The following ACP7 variants were observed in gnomAD, a reference collection of about 807,000 sequenced individuals.
ACP7 encodes the protein acid phosphatase 7, tartrate resistant (putative).
In ACP7, 58 loss-of-function variants were observed where a neutral mutation model predicts 60.6. The observed-to-expected ratio is 0.96, with a 90% confidence interval of 0.77 to 1.19. The LOEUF is 1.19. Ranked by LOEUF, ACP7 falls within the 50% of genes most tolerant of loss-of-function variation. ACP7 has a pLI of 0.00. For synonymous variants in ACP7, 237 were observed against 232.6 expected (o/e 1.02, Z -0.17); for missense variants, 574 against 596.2 (o/e 0.96, Z 0.39).
At chr19:39,093,171 TCTCCTTCCTTCCTTCC>T (rs2073226736) in intron 2 of ACP7, among the ~76,000 whole-genome samples, 57 of 47,148 alleles carry the variant, frequency 1.2e-3, no homozygotes, top group East Asian at 1.8e-3. Flanking sequence ...TCTTTCTTTC[TCTCCTTCCTTCCTTCC>T]TTCTTTCTTT....
intron 2 of ACP7, among the ~76,000 whole-genome samples, chr19:39,095,152 G>A (rs368555102): frequency 4.6e-5 from 7 of 152,216 alleles, no homozygotes; most frequent in East Asian, 1.9e-4. Context: ...AACCAATCAT[G>A]CCTTCCCAAC....
At chr19:39,086,641 A>AAGGGG (rs1555766196) in intron 2 of ACP7, among the ~76,000 whole-genome samples, 10 of 75,152 alleles carry the variant, frequency 1.3e-4, no homozygotes, top group Non-Finnish European at 2.3e-4. Flanking sequence ...AAAAAAAAAA[A>AAGGGG]GGGGGGGGGG....
chr19:39,103,967 C>T (rs763628510), intron 11 of ACP7, among the ~76,000 whole-genome samples: 8 of 150,436 alleles, frequency 5.3e-5, no homozygotes, highest in African/African-American at 9.8e-5. Flanking sequence ...AGGCTGGGTG[C>T]GGTGGCTCAT....
intron 2 of ACP7, among the ~76,000 whole-genome samples, chr19:39,090,259 C>T (rs2073189174): frequency 6.6e-6 from 1 of 151,928 alleles, no homozygotes; most frequent in Non-Finnish European, 1.5e-5. Flanking sequence ...ACCTCCACCT[C>T]CCAGGTTCAA....
At chr19:39,094,779 C>T (rs1197239915) in intron 2 of ACP7, among the ~76,000 whole-genome samples, 1 of 152,082 alleles carries the variant, frequency 6.6e-6, no homozygotes, top group Admixed American at 6.6e-5. Flanking sequence ...AGTTTTGATG[C>T]TGTTGATAAA....
rs541551660 is a variant in ACP7, at chr19:39,106,995, A to C, written c.1162A>C (p.Ser388Arg). 6.2e-7 allele frequency: 1 copy of C among 1,613,994 alleles called. No individual in the cohort carries two copies. The highest frequency in any genetic ancestry group is 1.1e-5 in the South Asian group (1 of 91,072). Residue 388 changes from serine (S) to arginine (R), a missense_variant, in exon 12 of 13, where the codon AGT becomes CGT. By Grantham distance (110) the Ser-to-Arg change is moderately radical. Coordinates refer to ENST00000331256, the MANE Select transcript of ACP7 (RefSeq NM_001004318.3). ...TPFAVFPRPW[S>R]AVRVKEYGYT... Reference sequence around the variant, plus strand: ...CTTTGCTGTCTTCCCGAGGCCCTGGAGTGCCGTGCGTGTGAAGGAGTACGG... The same window carrying C: ...CTTTGCTGTCTTCCCGAGGCCCTGGCGTGCCGTGCGTGTGAAGGAGTACGG...
Position 39,101,056 on chromosome 19 carries a change from G to A in ACP7, c.915G>A (p.Lys305=). The A allele has an allele frequency of 6.2e-7, 1 of 1,614,056 alleles. No individual in the cohort carries two copies. The highest frequency in any genetic ancestry group is 8.5e-7 in the Non-Finnish European group (1 of 1,180,032). ...ACGACTGCACACGACATGAAAGCAAGGTGAGGTCCCTCCCTGGGAGACAGT... is the reference window on the plus strand; with the variant it reads ...ACGACTGCACACGACATGAAAGCAAAGTGAGGTCCCTCCCTGGGAGACAGT... The part of the protein sequence containing the change: ...DLDDCTRHES[K]VRKGLQGKLY... Residue 305 remains lysine (K), a splice_region_variant and synonymous_variant, in exon 8 of 13, where the codon AAG becomes AAA. Coordinates refer to ENST00000331256, the MANE Select transcript of ACP7 (RefSeq NM_001004318.3).
In ACP7 at chr19:39,107,060, C is replaced by T. The variant is rs768181833; in HGVS notation, c.1227C>T (p.His409=). ...RLHILNGTHI[H]IQQVSDDQDG... ...ACATCCTCAACGGGACCCACATCCA[C>T]ATCCAGCAGGTGTCGGACGACCAGG... The change falls in exon 12 of 13, where the codon CAC becomes CAT. Residue 409 remains histidine, a synonymous_variant. Coordinates refer to ENST00000331256, the MANE Select transcript of ACP7 (RefSeq NM_001004318.3). 6.2e-7 allele frequency: 1 copy of T among 1,614,052 alleles called. No individual in the cohort carries two copies.
At chr19:39,107,513 G>A (rs1265087876) in intron 12 of ACP7, among the ~76,000 whole-genome samples, 2 of 148,350 alleles carry the variant, frequency 1.3e-5, no homozygotes, top group African/African-American at 5.0e-5. Context: ...GAACCCGGGA[G>A]GCAGAGCTTG....
Position 39,098,614 on chromosome 19 carries a change from T to A in ACP7, c.278T>A (p.Ile93Lys), listed in dbSNP as rs765826137. The A allele has an allele frequency of 2.2e-5, 35 of 1,613,438 alleles. No homozygotes were observed. The highest frequency in any genetic ancestry group is 2.9e-5 in the Non-Finnish European group (34 of 1,179,750). ...GGCATTCTCCGGCGGAAGCTCTACA[T>A]ACACCGAGTCACGCTTCGCAAGCTG... ...DGGILRRKLY[I>K]HRVTLRKLLP... Residue 93 changes from isoleucine to lysine, a missense_variant, in exon 3 of 13, where the codon ATA becomes AAA. Transcript: ENST00000331256.
intron 11 of ACP7, among the ~76,000 whole-genome samples, chr19:39,103,788 A>T (rs1009913499): frequency 7.9e-5 from 12 of 152,134 alleles, no homozygotes; most frequent in Admixed American, 6.6e-5. Context: ...AGACTGTGCT[A>T]CTGCACTCTA....
intron 2 of ACP7, among the ~76,000 whole-genome samples, chr19:39,087,923 C>T (rs1332637307): frequency 1.3e-5 from 2 of 151,996 alleles, no homozygotes; most frequent in Non-Finnish European, 2.9e-5. Context: ...CGTGAGCCAC[C>T]GTGCCTGGCT....
At chr19:39,093,172 C>CTTTCCTTCCTTCCTTCCTTCCTTCCT in intron 2 of ACP7, among the ~76,000 whole-genome samples, 1 of 80,932 alleles carries the variant, frequency 1.2e-5, no homozygotes, top group African/African-American at 5.1e-5. Context: ...CTTTCTTTCT[C>CTTTCCTTCCTTCCTTCCTTCCTTCCT]TCCTTCCTTC....
intron 1 of ACP7, 40 bp from the exon 2 acceptor site, chr19:39,085,052 C>T (rs2073124923): frequency 1.9e-6 from 1 of 530,564 alleles, no homozygotes; most frequent in Non-Finnish European, 3.3e-6. Context: ...AGCTCTGCTG[C>T]TGTTCCTTAG....
chr19:39,100,977 C>G lies in ACP7; in HGVS notation c.836C>G (p.Pro279Arg). ...QKANKNRAAR[P>R]WIITMGHRPM... ...GCCAATAAGAACCGGGCAGCCCGGC[C>G]GTGGATCATCACTATGGGGCACCGG... Residue 279 changes from proline to arginine, a missense_variant, in exon 8 of 13, where the codon CCG becomes CGG. Physicochemically the swap from Pro to Arg is moderately radical, Grantham distance 103. Coordinates refer to ENST00000331256, the MANE Select transcript of ACP7 (RefSeq NM_001004318.3). The G allele has an allele frequency of 6.2e-7, 1 of 1,613,738 alleles. No homozygotes were observed. Among genetic ancestry groups the G allele is most frequent in the Non-Finnish European group, 8.5e-7 (1 of 1,179,986 alleles).
chr19:39,101,300 A>C lies in ACP7; in HGVS notation c.986A>C (p.Gln329Pro). 6.2e-7 allele frequency: 1 copy of C among 1,614,172 alleles called. No homozygotes were observed. Among genetic ancestry groups the C allele is most frequent in the Non-Finnish European group, 8.5e-7 (1 of 1,180,034 alleles). The change falls in exon 10 of 13, where the codon CAG (glutamine) becomes CCG (proline). Residue 329 changes from glutamine (Q) to proline (P), a missense_variant. By Grantham distance (76) the Gln-to-Pro change is moderately conservative (BLOSUM62 -1). Coordinates refer to ENST00000331256, the MANE Select transcript of ACP7 (RefSeq NM_001004318.3). ...TGCTCTATCTCAGGAGTGGATCTGC[A>C]GCTGTGGGCTCATGAGCACTCGTAT... ...DLFYKYGVDL[Q>P]LWAHEHSYER...
intron 2 of ACP7, among the ~76,000 whole-genome samples, chr19:39,095,664 C>G (rs1337680018): frequency 1.3e-5 from 2 of 152,202 alleles, no homozygotes; most frequent in African/African-American, 4.8e-5. Context: ...TAGGTGGTAA[C>G]CCAGTAGGGA....
At chr19:39,100,679 T>C in intron 6 of ACP7, 37 bp downstream of exon 6, 1 of 1,613,220 alleles carries the variant, frequency 6.2e-7, no homozygotes, top group Non-Finnish European at 8.5e-7. Context: ...CCCTCTCCCC[T>C]GAAGGATGGG....
intron 2 of ACP7, among the ~76,000 whole-genome samples, chr19:39,093,240 C>CTCTT (rs1007773062): frequency 7.0e-6 from 1 of 142,190 alleles, no homozygotes; most frequent in Admixed American, 7.2e-5. Flanking sequence ...CTCTCTCTCT[C>CTCTT]TCTTTCTTTC....
Sources: gnomAD v4.1 joint callset for allele counts (sites outside exome capture counted in the v4.1 genomes callset) on GRCh38, gnomAD v4.1.1 for gene constraint, MANE v1.5 for transcripts, NCBI Gene and HGNC (gene_info 2026-07-23, HGNC 2026-07-21) for gene names.